The following CD164L2 variants were observed in gnomAD, a reference collection of about 807,000 sequenced individuals.
CD164L2 encodes CD164 molecule like 2.
CD164L2 carries 21 observed loss-of-function variants against 23.9 expected under a neutral mutation model. The ratio of observed to expected loss-of-function variants is 0.88; its 90% CI spans 0.62 to 1.27. The LOEUF is 1.27. CD164L2 is among the 50% of genes most tolerant of loss of function. CD164L2 has a pLI of 0.00. For missense variants in CD164L2, 230 were observed against 224.8 expected, an observed-to-expected ratio of 1.02 and a Z score of -0.15; for synonymous variants, 92 against 90.2, an observed-to-expected ratio of 1.02 and a Z score of -0.11.
In CD164L2 at chr1:27,382,419, G is replaced by A; in HGVS notation, c.257-20C>T. On this transcript the variant is annotated intron_variant, in intron 2 of 5. Transcript: ENST00000374030. ...AGTGTCCTGGTGAGAGAAGGTGCAG[G>A]GGGGAGGTTTGGGGAGAGGGGCCAG... 6.3e-7 allele frequency: 1 copy of A among 1,595,240 alleles called. No homozygotes were observed. The highest frequency in any genetic ancestry group is 8.6e-7 in the Non-Finnish European group (1 of 1,166,756).
Position 27,382,548 on chromosome 1 carries a change from G to C in CD164L2, c.208C>G (p.Arg70Gly). Reference protein sequence around the residue: ...CEHCVEGDGARNLSSCVWEQC... With the variant: ...CEHCVEGDGAGNLSSCVWEQC... ...TCCCACACGCAGCTGGAGAGATTGC[G>C]CGCTCCGTCTCCCTCCACGCAGTGC... Residue 70 changes from arginine (R) to glycine (G), a missense_variant, in exon 2 of 6, where the codon CGC becomes GGC. Transcript: ENST00000374030. 6.2e-7 allele frequency: 1 copy of C among 1,613,746 alleles called. No homozygotes were observed. The highest frequency in any genetic ancestry group is 8.5e-7 in the Non-Finnish European group (1 of 1,179,900).
chr1:27,379,645 C>A, intron 5 of CD164L2, 136 bp from the exon 6 acceptor site: 1 of 1,530,162 alleles, frequency 6.5e-7, no homozygotes, highest in Non-Finnish European at 8.8e-7. Context: ...ACAGCACACA[C>A]GGCACACAGA....
chr1:27,382,440 G>C (rs774604501), intron 2 of CD164L2, 41 bp from the exon 3 acceptor site: 2 of 1,586,138 alleles, frequency 1.3e-6, no homozygotes, highest in Admixed American at 1.7e-5. Flanking sequence ...GGGGAGAGGG[G>C]CCAGGGCCTT....
intron 4 of CD164L2, among the ~76,000 whole-genome samples, chr1:27,381,327 C>T (rs760005496): frequency 6.6e-6 from 1 of 152,204 alleles, no homozygotes; most frequent in Non-Finnish European, 1.5e-5. Flanking sequence ...CCTCCAGCCC[C>T]TGAGAGGGAG....
At position 27,379,507 on chromosome 1, in the gene CD164L2, A is replaced by T; in HGVS notation, c.521T>A (p.Ile174Asn). 1 of 1,550,290 alleles carries T rather than the reference A, an allele frequency of 6.5e-7. No individual in the cohort carries two copies. Among genetic ancestry groups the T allele is most frequent in the Non-Finnish European group, 8.7e-7 (1 of 1,146,852 alleles). ...TGGAGTCCAGGCCCAAAGGGGTCAG[A>T]TTCTGCAGAGGCCAAAGAGGACACT... ...KAKDSTYQTL[I>N] is the part of the protein sequence containing the mutation. The change falls in exon 6 of 6, where the codon ATC (isoleucine) becomes AAC (asparagine). Residue 174 changes from isoleucine to asparagine, a missense_variant and splice_region_variant. By Grantham distance (149) the Ile-to-Asn change is moderately radical. Transcript: ENST00000374030.
chr1:27,382,019 C>G (rs1360539071), intron 3 of CD164L2, 195 bp from the exon 4 acceptor site: 1 of 1,432,396 alleles, frequency 7.0e-7, no homozygotes, highest in African/African-American at 1.4e-5. Context: ...CTTCCAGGCT[C>G]ATTACTGATG....
At chr1:27,382,852 C>G (rs910651044) in intron 1 of CD164L2, among the ~76,000 whole-genome samples, 185 bp from the exon 2 acceptor site, 1 of 151,900 alleles carries the variant, frequency 6.6e-6, no homozygotes, top group Non-Finnish European at 1.5e-5. Context: ...CTACACACAC[C>G]TAGAGCCTCC....
At position 27,382,241 on chromosome 1, in the gene CD164L2, C is replaced by T. The variant is rs373353943; in HGVS notation, c.328+87G>A. On this transcript the variant is annotated intron_variant, in intron 3 of 5. Transcript: ENST00000374030. Reference sequence around the variant, plus strand: ...CCAGGTATGGGTGAGCAAAATCCACCGCCTGAGAGAGGCTGTTTCCTCCTG... The same window carrying T: ...CCAGGTATGGGTGAGCAAAATCCACTGCCTGAGAGAGGCTGTTTCCTCCTG... 3.2e-4 allele frequency: 509 copies of T among 1,613,570 alleles called. 3 individuals carry two copies. In the South Asian group the frequency reaches 3.2e-3, roughly 10 times the overall value.
chr1:27,381,250 T>C (rs2016330159), intron 4 of CD164L2, among the ~76,000 whole-genome samples: 1 of 152,238 alleles, frequency 6.6e-6, no homozygotes, highest in African/African-American at 2.4e-5. Context: ...ATAATTCAGC[T>C]TCTGAGATCG....
Position 27,379,370 on chromosome 1 carries a change from T to C in CD164L2, c.*133A>G. 1 of 778,498 alleles carries C rather than the reference T, an allele frequency of 1.3e-6. No individual in the cohort carries two copies. The highest frequency in any genetic ancestry group is 1.6e-5 in the South Asian group (1 of 64,490). 48.2% of individuals were successfully genotyped at this position (778,498 alleles called of 1,614,324 possible). ...TCAGGCATCAGACACTGAGCCTGCT[T>C]GGTGCCCGCAGGAGCCAAAAACTGG... On this transcript the variant is annotated 3_prime_UTR_variant, in exon 6 of 6. Transcript: ENST00000374030.
At chr1:27,381,321 C>T (rs370179606) in intron 4 of CD164L2, among the ~76,000 whole-genome samples, 1 of 152,226 alleles carries the variant, frequency 6.6e-6, no homozygotes, top group South Asian at 2.1e-4. Flanking sequence ...TGGTGACCTC[C>T]AGCCCCTGAG....
At position 27,381,903 on chromosome 1, in the gene CD164L2, C is replaced by T. The variant is rs550786173; in HGVS notation, c.329-79G>A. 1.5e-4 allele frequency: 229 copies of T among 1,569,476 alleles called. No individual in the cohort carries two copies. The Admixed American group carries it at 2.5e-3, about 17-fold the overall frequency. ...TCAAGACCCCAGCCCCCACTCACCG[C>T]TAAACTTCCGATTCAGATGCAGCCC... On this transcript the variant is annotated intron_variant, in intron 3 of 5. Transcript: ENST00000374030.
chr1:27,379,565 A>AC, intron 5 of CD164L2, 56 bp from the exon 6 acceptor site: 1 of 1,550,396 alleles, frequency 6.4e-7, no homozygotes, highest in South Asian at 1.2e-5. Context: ...CCAGCCAAGG[A>AC]CCCCCTGCCT....
Position 27,379,738 on chromosome 1 carries a change from G to A in CD164L2, c.519-229C>T, listed in dbSNP as rs527315233. 15 of 1,444,434 alleles carry A rather than the reference G, an allele frequency of 1.0e-5. No homozygotes were observed. The Admixed American group carries it at 1.9e-4, about 19-fold the overall frequency. 89.5% of individuals were successfully genotyped at this position (1,444,434 alleles called of 1,614,324 possible). A position where few individuals can be genotyped will look rare whatever the true frequency, so the allele number is the denominator to read the frequency against. On this transcript the variant is annotated intron_variant, in intron 5 of 5. Transcript: ENST00000374030. ...CTCCTGCCCACAGCCACAGAAACGC[G>A]GGCCACAGGCTTGCCTGGGCTGGCA...
In CD164L2 at chr1:27,383,155, C is replaced by T. The variant is rs1284242991; in HGVS notation, c.85G>A (p.Ala29Thr). 2 of 1,548,394 alleles carry T rather than the reference C, an allele frequency of 1.3e-6. No individual in the cohort carries two copies. The highest frequency in any genetic ancestry group is 2.4e-5 in the East Asian group (1 of 40,924). ...CLLLCAQLAV[A>T]GKGARGFGRG... ...GCCAGACCCTGCCGCGAGTTACCAG[C>T]CACAGCCAGCTGGGCACATAGGAGG... Residue 29 changes from alanine to threonine, a missense_variant, in exon 1 of 6, where the codon GCT becomes ACT. Physicochemically the swap from Ala to Thr is moderately conservative, Grantham distance 58 (BLOSUM62 0). Coordinates refer to ENST00000374030, the MANE Select transcript of CD164L2 (RefSeq NM_001330448.1).
rs1006250805 is a variant in CD164L2 at position 27,383,098 on chromosome 1, T to G, written c.88+54A>C. 24 of 1,422,726 alleles carry G rather than the reference T, an allele frequency of 1.7e-5. No individual in the cohort carries two copies. In the African/African-American group the frequency reaches 3.1e-4, roughly 18 times the overall value. The allele number at this position is 1,422,726 out of a possible 1,614,324, so 88.1% of individuals were successfully genotyped here. On this transcript the variant is annotated intron_variant, in intron 1 of 5. Transcript: ENST00000374030. Reference sequence around the variant, plus strand: ...CTCCTGGGGAGACGGCTGGCTGAGGTGCAAGCTCCATCCGTCCCCGTCGAG... The same window carrying G: ...CTCCTGGGGAGACGGCTGGCTGAGGGGCAAGCTCCATCCGTCCCCGTCGAG...
chr1:27,379,598 A>G, intron 5 of CD164L2, 89 bp from the exon 6 acceptor site: 1 of 1,550,188 alleles, frequency 6.5e-7, no homozygotes, highest in Non-Finnish European at 8.7e-7. Context: ...GCAGAGGAAG[A>G]GCAAACACTT....
rs1389737322 is a variant in CD164L2 at position 27,380,263 on chromosome 1, T to C, written c.374-68A>G. On this transcript the variant is annotated intron_variant, in intron 4 of 5. Transcript: ENST00000374030. ...AACCAGGATCCCAGTCCTACCCTCA[T>C]AACTGGCACAAGTAACCTGGAGGCC... is the stretch of plus-strand genomic sequence containing the variant. The C allele has an allele frequency of 2.7e-6, 4 of 1,467,954 alleles. No individual in the cohort carries two copies. The Admixed American group carries it at 7.5e-5, about 27-fold the overall frequency. 90.9% of individuals were successfully genotyped at this position (1,467,954 alleles called of 1,614,324 possible). A position where few individuals can be genotyped will look rare whatever the true frequency, so the allele number is the denominator to read the frequency against.
Position 27,379,576 on chromosome 1 carries a change from C to T in CD164L2, c.519-67G>A, listed in dbSNP as rs1219289240. The T allele has an allele frequency of 1.9e-6, 3 of 1,550,522 alleles. 1 individual carries two copies. The South Asian group carries it at 3.6e-5, about 18-fold the overall frequency. On this transcript the variant is annotated intron_variant, in intron 5 of 5. Transcript: ENST00000374030. ...TCAGCCAGCCAAGGACCCCCTGCCT[C>T]GAGAGGAGGCAGCAGAGGAAGAGCA...
Sources: allele counts gnomAD v4.1 joint callset (sites outside exome capture counted in the v4.1 genomes callset), GRCh38; gene constraint gnomAD v4.1.1; transcripts MANE v1.5; gene names NCBI Gene and HGNC (gene_info 2026-07-23, HGNC 2026-07-21).